The following MTSS1 variants were observed in gnomAD, a reference collection of about 807,000 sequenced individuals.
MTSS1 encodes the protein MTSS I-BAR domain containing 1.
MTSS1 carries 18 observed loss-of-function variants against 79.0 expected under a neutral mutation model. The ratio of observed to expected loss-of-function variants is 0.23; its 90% CI spans 0.16 to 0.34. The LOEUF (loss-of-function observed/expected upper bound fraction) is 0.34, where lower values mean the gene tolerates loss of function less well. Among genes scored for constraint, MTSS1 ranks in the 10% least tolerant of loss-of-function variants. MTSS1 has a pLI of 1.00. For missense variants in MTSS1, 815 were observed against 986.2 expected (o/e 0.83, Z 2.33); for synonymous variants, 341 against 368.6 (o/e 0.93, Z 0.86).
chr8:124,695,150 C>T (rs533282308), intron 3 of MTSS1, among the ~76,000 whole-genome samples: 3 of 152,206 alleles, frequency 2.0e-5, no homozygotes, highest in Non-Finnish European at 4.4e-5. Context: ...TTATTAATAG[C>T]TAGTGCAAAA....
At chr8:124,708,879 A>G (rs994392391) in intron 1 of MTSS1, among the ~76,000 whole-genome samples, 1 of 152,168 alleles carries the variant, frequency 6.6e-6, no homozygotes, top group South Asian at 2.1e-4. Flanking sequence ...ATTCTAAAAA[A>G]AGAAAAAAAA....
Position 124,703,258 on chromosome 8 carries a change from T to C in MTSS1, c.134+872A>G, listed in dbSNP as rs138806385. ...TAGATAGTTCATGTAAATGGAATTA[T>C]ACAATAGTCAACACAAGGTTTTATT... On this transcript the variant is annotated intron_variant, in intron 2 of 13. Coordinates refer to ENST00000518547, the MANE Select transcript of MTSS1 (RefSeq NM_014751.6). 1.2e-3 allele frequency among the ~76,000 whole-genome samples: 176 copies of C among 152,350 alleles called. 4 individuals are homozygous for C. In the East Asian group the frequency reaches 0.029, roughly 25 times the overall value.
At chr8:124,714,455 G>GTTGTTTTTGTTT (rs549638389) in intron 1 of MTSS1, among the ~76,000 whole-genome samples, 1 of 151,972 alleles carries the variant, frequency 6.6e-6, no homozygotes, top group South Asian at 2.1e-4. Context: ...AGTTTGCTCA[G>GTTGTTTTTGTTT]TTGTTTTTGT....
At chr8:124,724,117 G>A (rs1329597050) in intron 1 of MTSS1, among the ~76,000 whole-genome samples, 1 of 152,120 alleles carries the variant, frequency 6.6e-6, no homozygotes, top group Non-Finnish European at 1.5e-5. Flanking sequence ...CTTCTGATGG[G>A]AACCCCAAAA....
At chr8:124,583,647 C>A (rs1205429891) in intron 6 of MTSS1, among the ~76,000 whole-genome samples, 1 of 152,150 alleles carries the variant, frequency 6.6e-6, no homozygotes, top group East Asian at 1.9e-4. Context: ...CTTCCTTCAT[C>A]CTTTTCACCA....
At chr8:124,612,740 A>G (rs1836111993) in intron 3 of MTSS1, among the ~76,000 whole-genome samples, 1 of 152,082 alleles carries the variant, frequency 6.6e-6, no homozygotes, top group African/African-American at 2.4e-5. Flanking sequence ...CTAGATTAAC[A>G]CTGAATTGTA....
intron 1 of MTSS1, among the ~76,000 whole-genome samples, chr8:124,714,871 G>GC (rs1831697129): frequency 6.6e-6 from 1 of 152,156 alleles, no homozygotes; most frequent in African/African-American, 2.4e-5. Flanking sequence ...ACCTAATACA[G>GC]GGGCTGGCTG....
chr8:124,619,515 G>A (rs962502996), intron 3 of MTSS1: 2 of 152,124 alleles, frequency 1.3e-5, no homozygotes, highest in Non-Finnish European at 2.9e-5. Context: ...TCTCTTGCAC[G>A]GTGCATGGCA....
chr8:124,565,212 A>G (rs1471612294), intron 9 of MTSS1, among the ~76,000 whole-genome samples: 2 of 152,208 alleles, frequency 1.3e-5, no homozygotes, highest in African/African-American at 2.4e-5. Flanking sequence ...CAAGAACTCT[A>G]TTTACTTTAT....
intron 10 of MTSS1, among the ~76,000 whole-genome samples, chr8:124,559,872 A>G (rs1465550358): frequency 6.6e-5 from 10 of 152,004 alleles, no homozygotes. Context: ...AAATAAGCTG[A>G]CTCCTCTCTA....
chr8:124,699,639 C>T, intron 2 of MTSS1, 40 bp from the exon 3 acceptor site: 1 of 1,587,164 alleles, frequency 6.3e-7, no homozygotes, highest in Non-Finnish European at 8.6e-7. Context: ...AGGAATGTCT[C>T]TCCCTAGCAA....
intron 3 of MTSS1, among the ~76,000 whole-genome samples, chr8:124,609,080 C>T (rs61060175): frequency 0.029 from 4,349 of 152,302 alleles, 190 homozygotes; most frequent in African/African-American, 0.098. Flanking sequence ...TTTCACCAGC[C>T]AGAATACTTT....
chr8:124,634,427 C>A (rs1200354467), intron 3 of MTSS1, among the ~76,000 whole-genome samples: 1 of 152,110 alleles, frequency 6.6e-6, no homozygotes, highest in East Asian at 1.9e-4. Context: ...GGATTATGGG[C>A]GTGAGCTGCC....
intron 9 of MTSS1, among the ~76,000 whole-genome samples, chr8:124,564,538 A>G (rs1306670604): frequency 6.6e-6 from 1 of 152,138 alleles, no homozygotes; most frequent in Non-Finnish European, 1.5e-5. Flanking sequence ...GCTCACAGCA[A>G]CTCCACCCCG....
At chr8:124,672,845 GCACA>G (rs1416489622) in intron 3 of MTSS1, among the ~76,000 whole-genome samples, 1 of 150,054 alleles carries the variant, frequency 6.7e-6, no homozygotes, top group Non-Finnish European at 1.5e-5. Context: ...ACACATGCAT[GCACA>G]CACACACATA....
rs370657241 is a variant in MTSS1 at position 124,635,268 on chromosome 8, GAACAGAGTCAAATGACAGGA to G, written c.209-44053_209-44034del. On this transcript the variant is annotated intron_variant, in intron 3 of 13. Coordinates refer to ENST00000518547, the MANE Select transcript of MTSS1 (RefSeq NM_014751.6). ...AAAGGAAGAAAGCAATAAATACAGG[GAACAGAGTCAAATGACAGGA>G]AACTCTAGATCACCTTAGAGAATAA... Among the ~76,000 whole-genome samples, 1,109 of 152,286 alleles carry G rather than the reference GAACAGAGTCAAATGACAGGA, an allele frequency of 7.3e-3. 11 individuals carry two copies. Among genetic ancestry groups the G allele is most frequent in the African/African-American group, 0.026 (1,075 of 41,566 alleles).
At chr8:124,564,744 C>T (rs187642311) in intron 9 of MTSS1, 20 of 108,654 alleles carry the variant, frequency 1.8e-4, no homozygotes, top group African/African-American at 5.8e-4. Flanking sequence ...AGAAACAAAC[C>T]AATATCTTCA....
At position 124,627,216 on chromosome 8, in the gene MTSS1, T is replaced by A. The variant is rs571407273; in HGVS notation, c.209-35981A>T. Among the ~76,000 whole-genome samples, 6 of 152,298 alleles carry A rather than the reference T, an allele frequency of 3.9e-5. No homozygotes were observed. In the East Asian group the frequency reaches 1.2e-3, roughly 29 times the overall value. ...CGGCCCTCTGAGCTATCTAAAAAAC[T>A]GGAATCATCTTACAGTGTTTAAAAA... On this transcript the variant is annotated intron_variant, in intron 3 of 13. Transcript: ENST00000518547.
chr8:124,645,271 T>C lies in MTSS1; in HGVS notation c.209-54036A>G, dbSNP rs777212131. On this transcript the variant is annotated intron_variant, in intron 3 of 13. Transcript: ENST00000518547. Reference sequence around the variant, plus strand: ...CCAGCATGGTGGCGTGCACCTGTAGTCCTAGTAGCTACTCGGGAGGCTGAG... The same window carrying C: ...CCAGCATGGTGGCGTGCACCTGTAGCCCTAGTAGCTACTCGGGAGGCTGAG... 1.5e-4 allele frequency among the ~76,000 whole-genome samples: 23 copies of C among 152,128 alleles called. 1 individual carries two copies. Among genetic ancestry groups the C allele is most frequent in the Admixed American group, 5.9e-4 (9 of 15,272 alleles).
Sources: gnomAD v4.1 joint callset for allele counts (sites outside exome capture counted in the v4.1 genomes callset) on GRCh38, gnomAD v4.1.1 for gene constraint, MANE v1.5 for transcripts, NCBI Gene and HGNC (gene_info 2026-07-23, HGNC 2026-07-21) for gene names.